JAK1: variants seen among roughly 807,000 people sequenced by gnomAD.
JAK1 encodes the protein tyrosine-protein kinase JAK1.
In JAK1, 16 loss-of-function variants were observed where a neutral mutation model predicts 136.6. The observed-to-expected ratio is 0.12, with a 90% confidence interval of 0.08 to 0.18. JAK1 has a LOEUF of 0.18. Ranked by LOEUF, JAK1 falls within the 10% of genes least tolerant of loss-of-function variation. The pLI is 1.00. For synonymous variants in JAK1, 492 were observed against 519.5 expected (o/e 0.95, Z 0.72); for missense variants, 859 against 1,450.1 (o/e 0.59, Z 6.62).
At chr1:65,007,327 G>A (rs1389002549) in intron 2 of JAK1, among the ~76,000 whole-genome samples, 1 of 152,166 alleles carries the variant, frequency 6.6e-6, no homozygotes, top group Non-Finnish European at 1.5e-5. Context: ...TTCTTTGTCA[G>A]GCAACTTTGG....
At position 65,015,642 on chromosome 1, in the gene JAK1, C is replaced by A. The variant is rs552054181; in HGVS notation, c.-78+28838G>T. Reference sequence around the variant, plus strand: ...ATACTTCAGTTAAAAGACAAAGCTTCTCGGACTGGAGAAAACTTATAGATA... The same window carrying A: ...ATACTTCAGTTAAAAGACAAAGCTTATCGGACTGGAGAAAACTTATAGATA... On this transcript the variant is annotated intron_variant, in intron 2 of 25. Transcript: ENST00000671954. Among the ~76,000 whole-genome samples the A allele has an allele frequency of 2.0e-5, 3 of 152,166 alleles. No individual in the cohort carries two copies. In the East Asian group the frequency reaches 5.8e-4, roughly 29 times the overall value.
intron 11 of JAK1, among the ~76,000 whole-genome samples, chr1:64,852,027 G>A (rs1201419475): frequency 6.6e-6 from 1 of 152,318 alleles, no homozygotes; most frequent in East Asian, 1.9e-4. Flanking sequence ...AATGGCTGCT[G>A]AGCGCCGGGT....
At chr1:64,905,161 A>T (rs2100223225) in intron 1 of JAK1, among the ~76,000 whole-genome samples, 1 of 152,246 alleles carries the variant, frequency 6.6e-6, no homozygotes, top group Admixed American at 6.5e-5. Context: ...TCTTTCTGCA[A>T]GTCTTCTCTA....
intron 1 of JAK1, among the ~76,000 whole-genome samples, chr1:64,964,714 T>C (rs1048503089): frequency 1.3e-5 from 2 of 152,218 alleles, no homozygotes; most frequent in Non-Finnish European, 2.9e-5. Context: ...TCAAAGCACT[T>C]AGTTAATATG....
intron 1 of JAK1, among the ~76,000 whole-genome samples, chr1:64,950,069 T>C (rs1646054914): frequency 6.6e-6 from 1 of 152,078 alleles, no homozygotes; most frequent in African/African-American, 2.4e-5. Context: ...CGATAAAGAC[T>C]AGAAAAGAAT....
intron 12 of JAK1, among the ~76,000 whole-genome samples, chr1:64,849,854 C>T (rs898589632): frequency 1.3e-5 from 2 of 152,224 alleles, no homozygotes; most frequent in African/African-American, 4.8e-5. Context: ...ACAGCTCTCA[C>T]ACCACGAGAG....
chr1:64,878,970 A>G lies in JAK1; in HGVS notation c.329+55T>C, dbSNP rs200182504. ...AGTGACTCAGGGCTCCAGGCTGACCACTGTCCCTCAGTGCAGAGGGAGCCA... is the reference window on the plus strand; with the variant it reads ...AGTGACTCAGGGCTCCAGGCTGACCGCTGTCCCTCAGTGCAGAGGGAGCCA... On this transcript the variant is annotated intron_variant, in intron 4 of 24. Transcript: ENST00000342505. 1,241 of 1,576,370 alleles carry G rather than the reference A, an allele frequency of 7.9e-4. 1 individual carries two copies. The highest frequency in any genetic ancestry group is 1.1e-3 in the Non-Finnish European group (1,219 of 1,154,480).
At chr1:65,049,137 C>T (rs1052263636) in intron 1 of JAK1, among the ~76,000 whole-genome samples, 1 of 152,086 alleles carries the variant, frequency 6.6e-6, no homozygotes, top group Non-Finnish European at 1.5e-5. Flanking sequence ...GGAGTAAGGG[C>T]GAGGCCTGGC....
At chr1:64,999,355 T>C (rs1040312635) in intron 2 of JAK1, among the ~76,000 whole-genome samples, 3 of 152,182 alleles carry the variant, frequency 2.0e-5, no homozygotes, top group Non-Finnish European at 2.9e-5. Flanking sequence ...TGTTTCTGTA[T>C]AGGACATTCC....
At chr1:64,879,613 G>A (rs1644738558) in intron 3 of JAK1, among the ~76,000 whole-genome samples, 1 of 152,124 alleles carries the variant, frequency 6.6e-6, no homozygotes, top group Non-Finnish European at 1.5e-5. Flanking sequence ...CATCAGACAT[G>A]CAAACAAATT....
chr1:65,038,122 C>G (rs927529235), intron 2 of JAK1, among the ~76,000 whole-genome samples: 2 of 147,944 alleles, frequency 1.4e-5, no homozygotes, highest in African/African-American at 5.3e-5. Flanking sequence ...CAACAGGGCA[C>G]TGTGTCCAGA....
intron 1 of JAK1, among the ~76,000 whole-genome samples, chr1:65,046,447 C>A (rs554516776): frequency 2.9e-4 from 44 of 152,214 alleles, no homozygotes; most frequent in African/African-American, 1.0e-3. Context: ...TATAAGTAAA[C>A]CAAGATTATA....
chr1:64,917,142 A>G (rs185355782), intron 1 of JAK1, among the ~76,000 whole-genome samples: 46 of 152,308 alleles, frequency 3.0e-4, no homozygotes, highest in Admixed American at 1.3e-3. Context: ...AAAGCTTCCA[A>G]AAGAGAATAA....
chr1:65,052,143 T>C (rs1405107311), intron 1 of JAK1, among the ~76,000 whole-genome samples: 1 of 133,772 alleles, frequency 7.5e-6, no homozygotes, highest in African/African-American at 2.8e-5. Context: ...TTTTTTTTGG[T>C]AGAGACAGTC....
chr1:64,973,762 T>G (rs1343169396), intron 2 of JAK1: 2 of 151,770 alleles, frequency 1.3e-5, no homozygotes, highest in Non-Finnish European at 2.9e-5. Flanking sequence ...CCATCTAAGG[T>G]GGGGTGTGAT....
chr1:65,008,683 C>G (rs1646823499), intron 2 of JAK1, among the ~76,000 whole-genome samples: 1 of 151,016 alleles, frequency 6.6e-6, no homozygotes, highest in Non-Finnish European at 1.5e-5. Flanking sequence ...TTCTCCTTCT[C>G]TTTCTCCTTC....
At chr1:64,938,874 A>C (rs1184933695) in intron 1 of JAK1, among the ~76,000 whole-genome samples, 1 of 152,214 alleles carries the variant, frequency 6.6e-6, no homozygotes, top group African/African-American at 2.4e-5. Flanking sequence ...AAACAGAATC[A>C]CGGGTCTCTA....
In JAK1 at chr1:64,838,093, A is replaced by G; in HGVS notation, c.2979T>C (p.Tyr993=). Residue 993 remains tyrosine (Y), a synonymous_variant, in exon 22 of 25, where the codon TAT becomes TAC. Coordinates refer to ENST00000342505, the MANE Select transcript of JAK1 (RefSeq NM_002227.4). ...YAVQICKGMD[Y]LGSRQYVHRD... is the part of the protein sequence containing the mutation. The stretch of plus-strand genomic sequence containing the variant: ...GGTGAACGTATTGCCGAGAACCCAA[A>G]TAGTCCATCCCCTGAGAGAGAGAAG... The G allele has an allele frequency of 6.2e-7, 1 of 1,613,884 alleles. No homozygotes were observed. The highest frequency in any genetic ancestry group is 2.2e-5 in the East Asian group (1 of 44,876).
At chr1:64,981,361 C>T (rs919406788) in intron 2 of JAK1, among the ~76,000 whole-genome samples, 1 of 152,128 alleles carries the variant, frequency 6.6e-6, no homozygotes, top group African/African-American at 2.4e-5. Context: ...GCTATATCTC[C>T]TTGACCAGAT....
Sources: gnomAD v4.1 joint callset for allele counts (sites outside exome capture counted in the v4.1 genomes callset) on GRCh38, gnomAD v4.1.1 for gene constraint, MANE v1.5 for transcripts, NCBI Gene and HGNC (gene_info 2026-07-23, HGNC 2026-07-21) for gene names.